ATP10D: variants seen among roughly 807,000 people sequenced by gnomAD.
ATP10D encodes the protein ATPase phospholipid transporting 10D (putative), also known as phospholipid-transporting ATPase VD.
A neutral mutation model predicts 144.8 loss-of-function variants in ATP10D; 89 were observed. The ratio of observed to expected loss-of-function variants is 0.61; its 90% CI spans 0.52 to 0.73. The LOEUF is 0.73. ATP10D is among the 30% of genes least tolerant of loss of function. ATP10D has a pLI of 0.00. For synonymous variants in ATP10D, 571 were observed against 615.1 expected (o/e 0.93, Z 1.06); for missense variants, 1,603 against 1,714.8 (o/e 0.93, Z 1.15).
intron 5 of ATP10D, among the ~76,000 whole-genome samples, chr4:47,534,521 A>G (rs1717734030): frequency 6.6e-6 from 1 of 152,146 alleles, no homozygotes; most frequent in African/African-American, 2.4e-5. Flanking sequence ...TTTCTTTCCC[A>G]TAAATCATGA....
At chr4:47,567,453 A>G (rs1719701232) in intron 15 of ATP10D, among the ~76,000 whole-genome samples, 1 of 152,248 alleles carries the variant, frequency 6.6e-6, no homozygotes, top group Admixed American at 6.5e-5. Flanking sequence ...TGTATTCTGT[A>G]TACTGTAAGC....
chr4:47,493,296 C>G (rs1715182495), intron 1 of ATP10D, among the ~76,000 whole-genome samples: 1 of 152,172 alleles, frequency 6.6e-6, no homozygotes, highest in African/African-American at 2.4e-5. Flanking sequence ...CAATCCCTGA[C>G]TTATGATGGT....
At chr4:47,556,417 C>T (rs1376249049) in intron 11 of ATP10D, among the ~76,000 whole-genome samples, 1 of 152,142 alleles carries the variant, frequency 6.6e-6, no homozygotes, top group Admixed American at 6.5e-5. Flanking sequence ...CTGTTCTTTT[C>T]CCCAAAAAAT....
At chr4:47,504,685 C>T (rs1046510883) in intron 1 of ATP10D, among the ~76,000 whole-genome samples, 5 of 152,126 alleles carry the variant, frequency 3.3e-5, no homozygotes, top group Admixed American at 1.3e-4. Context: ...GCCTCAGCCT[C>T]CCAAGTAGCT....
At chr4:47,499,546 A>G (rs1715571618) in intron 1 of ATP10D, among the ~76,000 whole-genome samples, 1 of 152,132 alleles carries the variant, frequency 6.6e-6, no homozygotes, top group African/African-American at 2.4e-5. Flanking sequence ...AAACAAGGAG[A>G]TTTTCAAGTA....
intron 5 of ATP10D, among the ~76,000 whole-genome samples, chr4:47,534,532 G>A (rs1717734716): frequency 6.6e-6 from 1 of 152,104 alleles, no homozygotes; most frequent in East Asian, 1.9e-4. Flanking sequence ...TAAATCATGA[G>A]GCCCACGATG....
Position 47,512,594 on chromosome 4 carries a change from T to G in ATP10D, c.54T>G (p.Gly18=). The change falls in exon 2 of 23, where the codon GGT becomes GGG. Residue 18 remains glycine (G), a synonymous_variant. Transcript: ENST00000273859. ...ARYHWRRLIR[G]ATRDDDSGPY... is the part of the protein sequence containing the mutation. ...ATCACTGGCGACGGCTGATCAGAGG[T>G]GCAACCAGGGATGATGATTCAGGGC... The G allele has an allele frequency of 6.2e-7, 1 of 1,614,124 alleles. No individual in the cohort carries two copies. Among genetic ancestry groups the G allele is most frequent in the Non-Finnish European group, 8.5e-7 (1 of 1,179,992 alleles).
At chr4:47,577,269 T>C (rs967630239) in intron 19 of ATP10D, among the ~76,000 whole-genome samples, 8 of 152,142 alleles carry the variant, frequency 5.3e-5, no homozygotes, top group African/African-American at 1.7e-4. Context: ...CTACTTAACA[T>C]CCCCCGTCTG....
chr4:47,581,372 A>G (rs1056383759), intron 20 of ATP10D, among the ~76,000 whole-genome samples: 2 of 152,234 alleles, frequency 1.3e-5, no homozygotes, highest in Admixed American at 6.5e-5. Context: ...GAAGCACAGT[A>G]TTAAGAATGA....
chr4:47,514,311 A>T (rs1560418205), intron 2 of ATP10D, among the ~76,000 whole-genome samples: 1 of 152,190 alleles, frequency 6.6e-6, no homozygotes, highest in Non-Finnish European at 1.5e-5. Context: ...GGAGTTTGGA[A>T]TCTAGTGTAC....
In ATP10D at chr4:47,591,052, A is replaced by G. The variant is rs1438616399; in HGVS notation, c.3952A>G (p.Arg1318Gly). Residue 1318 changes from arginine to glycine, a missense_variant, in exon 23 of 23, where the codon AGA becomes GGA. Physicochemically the swap from Arg to Gly is moderately radical, Grantham distance 125. Transcript: ENST00000273859. The stretch of plus-strand genomic sequence containing the variant: ...TTCCTTGTCACCTAGGTTTGTATAC[A>G]GAGTTCTTCAGGGATCCCTGTTTCC... Reference protein sequence around the residue: ...SIALLPRFVYRVLQGSLFPSP... With the variant: ...SIALLPRFVYGVLQGSLFPSP... The G allele has an allele frequency of 6.2e-7, 1 of 1,603,468 alleles. No individual in the cohort carries two copies. The highest frequency in any genetic ancestry group is 1.7e-5 in the Admixed American group (1 of 58,702).
chr4:47,569,264 A>G, intron 16 of ATP10D, 118 bp downstream of exon 16: 1 of 1,183,816 alleles, frequency 8.4e-7, no homozygotes, highest in Non-Finnish European at 1.2e-6. Flanking sequence ...CTTTTTCTCT[A>G]CCACATTCAT....
At chr4:47,502,608 T>A (rs1158476372) in intron 1 of ATP10D, among the ~76,000 whole-genome samples, 3 of 148,496 alleles carry the variant, frequency 2.0e-5, no homozygotes, top group African/African-American at 4.9e-5. Flanking sequence ...ATGTTTTTCT[T>A]TTATATACGA....
rs936551540 is a variant in ATP10D, at chr4:47,558,019, G to A, written c.2180G>A (p.Ser727Asn). The A allele has an allele frequency of 1.9e-6, 3 of 1,614,008 alleles. No individual in the cohort carries two copies. The highest frequency in any genetic ancestry group is 2.2e-5 in the East Asian group (1 of 44,892). ...LACNLCYEAE[S>N]PDEAALVYAA... ...TGCAACCTGTGTTATGAGGCCGAGA[G>A]CCCAGACGAAGCGGCCTTAGTGTAT... Residue 727 changes from serine (S) to asparagine (N), a missense_variant, in exon 12 of 23, where the codon AGC (serine) becomes AAC (asparagine). Transcript: ENST00000273859.
Position 47,592,985 on chromosome 4 carries a change from T to C in ATP10D, c.*1604T>C, listed in dbSNP as rs1389702623. 1 of 152,158 alleles carries C rather than the reference T, an allele frequency of 6.6e-6. No homozygotes were observed. Among genetic ancestry groups the C allele is most frequent in the African/African-American group, 2.4e-5 (1 of 41,440 alleles). 9.4% of individuals were successfully genotyped at this position (152,158 alleles called of 1,614,324 possible). On this transcript the variant is annotated 3_prime_UTR_variant, in exon 23 of 23. Coordinates refer to ENST00000273859, the MANE Select transcript of ATP10D (RefSeq NM_020453.4). ...ACAAAGCATGCCTTTTACCAGAATA[T>C]TGCTTTGCCTTTTCTTATATGGAAA...
rs1721028839 is a variant in ATP10D at position 47,591,246 on chromosome 4, A to G, written c.4146A>G (p.Val1382=). The G allele has an allele frequency of 1.2e-6, 2 of 1,613,488 alleles. No homozygotes were observed. The highest frequency in any genetic ancestry group is 1.7e-6 in the Non-Finnish European group (2 of 1,179,610). The change falls in exon 23 of 23, where the codon GTA becomes GTG. Residue 1382 remains valine, a synonymous_variant. Coordinates refer to ENST00000273859, the MANE Select transcript of ATP10D (RefSeq NM_020453.4). ...GRRPMPGPSA[V]FAMKSASSCA... is the part of the protein sequence containing the mutation. ...GACCCATGCCTGGCCCTTCTGCTGT[A>G]TTTGCAATGAAGTCAGCAAGTTCCT...
At chr4:47,570,664 C>T (rs1719903082) in intron 16 of ATP10D, among the ~76,000 whole-genome samples, 1 of 151,860 alleles carries the variant, frequency 6.6e-6, no homozygotes, top group African/African-American at 2.4e-5. Flanking sequence ...CTTGGCCAGG[C>T]CTGGTGGTGG....
intron 15 of ATP10D, among the ~76,000 whole-genome samples, chr4:47,564,804 A>C (rs1295796607): frequency 3.3e-5 from 5 of 152,040 alleles, no homozygotes; most frequent in Non-Finnish European, 7.4e-5. Flanking sequence ...TTCTTGAAAA[A>C]CTTCCTCCCA....
chr4:47,566,699 C>T (rs1389687698), intron 15 of ATP10D, among the ~76,000 whole-genome samples: 12 of 152,160 alleles, frequency 7.9e-5, no homozygotes, highest in Admixed American at 3.3e-4. Context: ...TTGCCCCGAG[C>T]TCTGAATTAG....
Sources: allele counts gnomAD v4.1 joint callset (sites outside exome capture counted in the v4.1 genomes callset), GRCh38; gene constraint gnomAD v4.1.1; transcripts MANE v1.5; gene names NCBI Gene and HGNC (gene_info 2026-07-23, HGNC 2026-07-21).